FLVCR2: variants seen among roughly 807,000 people sequenced by gnomAD.
The protein encoded by FLVCR2 is choline/ethanolamine transporter FLVCR2.
Under a neutral mutation model 48.9 loss-of-function variants are expected in FLVCR2, and 38 were observed. That is an observed-to-expected ratio of 0.78 (90% CI 0.60 to 1.02). FLVCR2 has a LOEUF of 1.02. Ranked by LOEUF, FLVCR2 falls within the 50% of genes least tolerant of loss-of-function variation. FLVCR2 has a pLI of 0.00. For missense variants in FLVCR2, 664 were observed against 663.3 expected, an observed-to-expected ratio of 1.00 and a Z score of -0.01; for synonymous variants, 255 against 257.0, an observed-to-expected ratio of 0.99 and a Z score of 0.07.
intron 1 of FLVCR2, among the ~76,000 whole-genome samples, chr14:75,591,543 C>T (rs1466112706): frequency 6.6e-6 from 1 of 152,262 alleles, no homozygotes; most frequent in Non-Finnish European, 1.5e-5. Context: ...CATGGCTGTA[C>T]TCACAGGTTG....
chr14:75,628,952 G>A (rs995125569), intron 3 of FLVCR2, among the ~76,000 whole-genome samples: 7 of 152,172 alleles, frequency 4.6e-5, no homozygotes, highest in Admixed American at 2.0e-4. Context: ...GGTTTCCAGC[G>A]TTGCTTCTTT....
intron 3 of FLVCR2, among the ~76,000 whole-genome samples, chr14:75,631,264 G>C (rs1890031390): frequency 6.6e-6 from 1 of 152,152 alleles, no homozygotes; most frequent in African/African-American, 2.4e-5. Flanking sequence ...TAACCACATT[G>C]CTCTAGGGAG....
In FLVCR2 at chr14:75,646,431, A is replaced by G. The variant is rs1245996851; in HGVS notation, c.1540A>G (p.Thr514Ala). Residue 514 changes from threonine (T) to alanine (A), a missense_variant, in exon 10 of 10, where the codon ACC (threonine) becomes GCC (alanine). Coordinates refer to ENST00000238667, the MANE Select transcript of FLVCR2 (RefSeq NM_017791.3). ...CCAAGAGGAGGAGGAGGAGAGCAAC[A>G]CCAGCAAAGTGCCCACTGCTGTGTC... Reference protein sequence around the residue: ...KLQEEEEESNTSKVPTAVSED... With the variant: ...KLQEEEEESNASKVPTAVSED... 1 of 1,614,084 alleles carries G rather than the reference A, an allele frequency of 6.2e-7. No individual in the cohort carries two copies. Among genetic ancestry groups the G allele is most frequent in the Non-Finnish European group, 8.5e-7 (1 of 1,179,942 alleles).
Position 75,622,211 on chromosome 14 carries a change from G to T in FLVCR2, c.802G>T (p.Val268Phe), listed in dbSNP as rs774645285. The T allele has an allele frequency of 6.8e-6, 11 of 1,613,854 alleles. No homozygotes were observed. The highest frequency in any genetic ancestry group is 1.3e-5 in the African/African-American group (1 of 74,886). ...GGVATLLLIL[V>F]IIVFKEKPKY... ...TGTGGCCACTCTCCTCCTCATCCTT[G>T]TCATCATTGGTAAGGTCATTAGTAA... The change falls in exon 2 of 10, where the codon GTC (valine) becomes TTC (phenylalanine). Residue 268 changes from valine to phenylalanine, a missense_variant. Coordinates refer to ENST00000238667, the MANE Select transcript of FLVCR2 (RefSeq NM_017791.3).
intron 1 of FLVCR2, among the ~76,000 whole-genome samples, chr14:75,593,674 G>A (rs907825760): frequency 6.6e-6 from 1 of 152,122 alleles, no homozygotes; most frequent in Non-Finnish European, 1.5e-5. Flanking sequence ...AGTTTAAGAG[G>A]GGACAAACTC....
chr14:75,616,471 A>G (rs1460682310), intron 1 of FLVCR2, among the ~76,000 whole-genome samples: 1 of 152,210 alleles, frequency 6.6e-6, no homozygotes, highest in Admixed American at 6.5e-5. Context: ...AGCTGGCTCA[A>G]TAAAGGGATA....
chr14:75,617,840 C>G (rs144519736), intron 1 of FLVCR2, among the ~76,000 whole-genome samples: 2 of 152,136 alleles, frequency 1.3e-5, no homozygotes, highest in Non-Finnish European at 1.5e-5. Context: ...GGAACCCAAC[C>G]TCATGTAAGG....
Position 75,633,657 on chromosome 14 carries a change from G to C in FLVCR2, c.981G>C (p.Leu327Phe), listed in dbSNP as rs1240644860. 6.2e-7 allele frequency: 1 copy of C among 1,614,092 alleles called. No individual in the cohort carries two copies. Among genetic ancestry groups the C allele is most frequent in the Non-Finnish European group, 8.5e-7 (1 of 1,179,938 alleles). Residue 327 changes from leucine (L) to phenylalanine (F), a missense_variant, in exon 4 of 10, where the codon TTG (leucine) becomes TTC (phenylalanine). Leu to Phe is a conservative substitution (Grantham distance 22, BLOSUM62 0). Coordinates refer to ENST00000238667, the MANE Select transcript of FLVCR2 (RefSeq NM_017791.3). ...YGLNAGAFYA[L>F]STLLNRMVIW... ...TGAATGCTGGTGCTTTTTATGCCTT[G>C]TCCACTCTTCTGAATCGCATGGTGA...
intron 3 of FLVCR2, among the ~76,000 whole-genome samples, chr14:75,626,000 C>CT (rs1021902151): frequency 1.6e-4 from 25 of 151,598 alleles, no homozygotes; most frequent in Admixed American, 3.9e-4. Context: ...TGCTTTTTTT[C>CT]TTTTTTTTAA....
At chr14:75,636,235 G>A (rs374643254) in intron 5 of FLVCR2, among the ~76,000 whole-genome samples, 15 of 152,280 alleles carry the variant, frequency 9.9e-5, no homozygotes, top group African/African-American at 3.4e-4. Context: ...ACACAAACCC[G>A]CTTCTGTGAG....
rs550519704 is a variant in FLVCR2 at position 75,595,797 on chromosome 14, C to T, written c.669+16156C>T. Reference sequence around the variant, plus strand: ...ACAATGGCCACAGATTACACCATTGCAGCACCTTTACTCCTTCAGCTTTTT... The same window carrying T: ...ACAATGGCCACAGATTACACCATTGTAGCACCTTTACTCCTTCAGCTTTTT... On this transcript the variant is annotated intron_variant, in intron 1 of 9. Transcript: ENST00000238667. 98 of 780,166 alleles carry T rather than the reference C, an allele frequency of 1.3e-4. 1 individual carries two copies. The East Asian group carries it at 2.4e-3, about 19-fold the overall frequency. The allele number at this position is 780,166 out of a possible 1,614,324, so 48.3% of individuals were successfully genotyped here.
intron 1 of FLVCR2, among the ~76,000 whole-genome samples, chr14:75,621,374 C>T (rs578103391): frequency 8.3e-4 from 124 of 149,944 alleles, no homozygotes; most frequent in African/African-American, 3.0e-3. Flanking sequence ...CGCCACTGCA[C>T]TCCAGCCAGG....
intron 1 of FLVCR2, among the ~76,000 whole-genome samples, chr14:75,594,112 G>A (rs761168745): frequency 7.9e-5 from 12 of 152,136 alleles, no homozygotes; most frequent in Non-Finnish European, 1.6e-4. Flanking sequence ...CAAGTTCTTT[G>A]CAAGTAGATA....
In FLVCR2 at chr14:75,647,167, G is replaced by C. The variant is rs1890440295; in HGVS notation, c.*695G>C. The C allele has an allele frequency of 6.5e-6, 1 of 153,870 alleles. No homozygotes were observed. The highest frequency in any genetic ancestry group is 1.4e-5 in the Non-Finnish European group (1 of 69,080). 9.5% of individuals were successfully genotyped at this position (153,870 alleles called of 1,614,324 possible). On this transcript the variant is annotated 3_prime_UTR_variant, in exon 10 of 10. Transcript: ENST00000238667. ...TCAGGAGGGCTACCTACCTAGGTGT[G>C]ATCATGCTGGGGGCTACCTTCTGAG...
At chr14:75,640,337 CCT>C in intron 6 of FLVCR2, among the ~76,000 whole-genome samples, 1 of 151,240 alleles carries the variant, frequency 6.6e-6, no homozygotes, top group African/African-American at 2.4e-5. Flanking sequence ...GGAAACAATA[CCT>C]CTTTCACAGG....
rs188459017 is a variant in FLVCR2 at position 75,646,989 on chromosome 14, C to G, written c.*517C>G. 441 of 197,188 alleles carry G rather than the reference C, an allele frequency of 2.2e-3. 3 individuals are homozygous for G. Among genetic ancestry groups the G allele is most frequent in the African/African-American group, 9.7e-3 (422 of 43,528 alleles). The allele number at this position is 197,188 out of a possible 1,614,324, so 12.2% of individuals were successfully genotyped here. ...TGCAGGAGAGGAAGCACCATTAGAACAACTCCATCAGAACAGCTCCACCGG... is the reference window on the plus strand; with the variant it reads ...TGCAGGAGAGGAAGCACCATTAGAAGAACTCCATCAGAACAGCTCCACCGG... On this transcript the variant is annotated 3_prime_UTR_variant, in exon 10 of 10. Coordinates refer to ENST00000238667, the MANE Select transcript of FLVCR2 (RefSeq NM_017791.3).
rs546304033 is a variant in FLVCR2 at position 75,629,313 on chromosome 14, A to AT, written c.953-4308dup. Among the ~76,000 whole-genome samples the AT allele has an allele frequency of 1.4e-3, 214 of 152,054 alleles. 1 individual carries two copies. The highest frequency in any genetic ancestry group is 6.8e-3 in the Middle Eastern group (2 of 294). The stretch of plus-strand genomic sequence containing the variant: ...TTTATTATAAATGTATTTATTTGCT[A>AT]TTTTTTTTCAAAATCTGGCAATTCA... On this transcript the variant is annotated intron_variant, in intron 3 of 9. Transcript: ENST00000238667.
At chr14:75,611,063 T>C (rs907931079) in intron 1 of FLVCR2, among the ~76,000 whole-genome samples, 1 of 152,208 alleles carries the variant, frequency 6.6e-6, no homozygotes, top group African/African-American at 2.4e-5. Flanking sequence ...TGAGCAAATG[T>C]GAGTCAATGT....
At chr14:75,605,915 G>T (rs1889279310) in intron 1 of FLVCR2, 1 of 441,960 alleles carries the variant, frequency 2.3e-6, no homozygotes, top group East Asian at 4.3e-5. Context: ...TGACATGGCT[G>T]GGTCTCCTTT....
Sources: gnomAD v4.1 joint callset for allele counts (sites outside exome capture counted in the v4.1 genomes callset) on GRCh38, gnomAD v4.1.1 for gene constraint, MANE v1.5 for transcripts, NCBI Gene and HGNC (gene_info 2026-07-23, HGNC 2026-07-21) for gene names.